The following TBC1D5 variants were observed in gnomAD, a reference collection of about 807,000 sequenced individuals.
TBC1D5 encodes the protein TBC1 domain family member 5, also known as TBC1 domain family, member 5.
Under a neutral mutation model 100.3 loss-of-function variants are expected in TBC1D5, and 75 were observed. The observed-to-expected ratio is 0.75, with a 90% CI of 0.62 to 0.91. The LOEUF (loss-of-function observed/expected upper bound fraction) is 0.91, where lower values mean the gene tolerates loss of function less well. Among genes scored for constraint, TBC1D5 ranks in the 40% least tolerant of loss-of-function variants. The probability of loss-of-function intolerance (pLI) is 0.00; values close to 1 mark genes in which losing one functional copy is unlikely to be tolerated. For missense variants in TBC1D5, 910 were observed against 942.4 expected (o/e 0.97, Z 0.45); for synonymous variants, 323 against 325.6 (o/e 0.99, Z 0.09).
intron 13 of TBC1D5, among the ~76,000 whole-genome samples, chr3:17,344,798 G>T (rs1033455582): frequency 6.6e-6 from 1 of 152,104 alleles, no homozygotes; most frequent in East Asian, 1.9e-4. Flanking sequence ...ACAAACCTGA[G>T]AAAAACAAGC....
At chr3:17,266,502 G>A (rs2078864913) in intron 15 of TBC1D5, among the ~76,000 whole-genome samples, 1 of 152,044 alleles carries the variant, frequency 6.6e-6, no homozygotes, top group African/African-American at 2.4e-5. Context: ...ATATTGAGCT[G>A]TACCTTCCTG....
At chr3:17,222,144 A>C (rs1460430814) in intron 17 of TBC1D5, among the ~76,000 whole-genome samples, 5 of 151,970 alleles carry the variant, frequency 3.3e-5, no homozygotes, top group Admixed American at 6.6e-5. Context: ...TCATACCTTT[A>C]CTTACTTTAG....
chr3:17,530,572 C>T lies in TBC1D5; in HGVS notation c.-35-21967G>A, dbSNP rs559006000. Among the ~76,000 whole-genome samples the T allele has an allele frequency of 8.5e-4, 129 of 152,284 alleles. 1 individual carries two copies. The highest frequency in any genetic ancestry group is 3.1e-3 in the African/African-American group (127 of 41,550). ...ATATTACTGAGTTAGACATAAAATG[C>T]CACACACTAGCCAAAGCTTTTACTT... On this transcript the variant is annotated intron_variant, in intron 2 of 21. Coordinates refer to ENST00000253692, the Ensembl canonical transcript of TBC1D5.
chr3:17,385,217 A>G (rs529935692), intron 8 of TBC1D5, among the ~76,000 whole-genome samples: 2 of 152,202 alleles, frequency 1.3e-5, no homozygotes, highest in East Asian at 3.9e-4. Context: ...ATATTCAGGA[A>G]TAAGACGCCA....
At chr3:17,364,855 G>C (rs1455618208) in intron 13 of TBC1D5, among the ~76,000 whole-genome samples, 1 of 152,102 alleles carries the variant, frequency 6.6e-6, no homozygotes, top group Non-Finnish European at 1.5e-5. Context: ...TAGTAACAAT[G>C]AACACTGATT....
chr3:17,407,175 CA>C (rs1357824484), intron 4 of TBC1D5, among the ~76,000 whole-genome samples: 2 of 152,102 alleles, frequency 1.3e-5, no homozygotes, highest in Non-Finnish European at 2.9e-5. Context: ...AGTAGATAAA[CA>C]ACTGAAATAT....
intron 13 of TBC1D5, among the ~76,000 whole-genome samples, chr3:17,325,916 C>A (rs996371030): frequency 6.6e-6 from 1 of 151,978 alleles, no homozygotes; most frequent in Admixed American, 6.6e-5. Context: ...AGTGACAAAA[C>A]CTTGAATGCT....
intron 2 of TBC1D5, among the ~76,000 whole-genome samples, chr3:17,607,614 A>G (rs2061411419): frequency 6.6e-6 from 1 of 151,936 alleles, no homozygotes; most frequent in African/African-American, 2.4e-5. Flanking sequence ...CCTATTCAGC[A>G]TAATTCCTGC....
At chr3:17,633,435 C>T (rs138607309) in intron 1 of TBC1D5, among the ~76,000 whole-genome samples, 1 of 151,834 alleles carries the variant, frequency 6.6e-6, no homozygotes, top group Non-Finnish European at 1.5e-5. Context: ...GAGACTCCAT[C>T]TCAAAAAAAG....
At chr3:17,639,496 T>C (rs191766215) in intron 1 of TBC1D5, among the ~76,000 whole-genome samples, 1 of 151,970 alleles carries the variant, frequency 6.6e-6, no homozygotes, top group Admixed American at 6.6e-5. Context: ...AATTGTACAC[T>C]TGAAAAGATG....
In TBC1D5 at chr3:17,240,087, A is replaced by G. The variant is rs143007446; in HGVS notation, c.1332-1668T>C. 1.2e-4 allele frequency among the ~76,000 whole-genome samples: 19 copies of G among 152,312 alleles called. No homozygotes were observed. In the South Asian group the frequency reaches 3.1e-3, roughly 25 times the overall value. ...TAATTCTACCTTTTATATGACAGCT[A>G]TATCCTTTCATTACTACATGTTGCT... On this transcript the variant is annotated intron_variant, in intron 16 of 21. Coordinates refer to ENST00000253692, the Ensembl canonical transcript of TBC1D5.
At chr3:17,186,656 G>A (rs1559372624) in intron 18 of TBC1D5, among the ~76,000 whole-genome samples, 1 of 120,686 alleles carries the variant, frequency 8.3e-6, no homozygotes, top group African/African-American at 3.1e-5. Context: ...GTTGAAGTGA[G>A]CCGAGATCAT....
At chr3:17,300,616 A>C (rs943058787) in intron 14 of TBC1D5, among the ~76,000 whole-genome samples, 23 of 152,182 alleles carry the variant, frequency 1.5e-4, no homozygotes, top group African/African-American at 5.3e-4. Context: ...CCTATCAAAA[A>C]CAGAGGAAAA....
intron 2 of TBC1D5, among the ~76,000 whole-genome samples, chr3:17,604,116 ATTTC>A (rs1380871573): frequency 6.6e-6 from 1 of 151,232 alleles, no homozygotes; most frequent in Non-Finnish European, 1.5e-5. Flanking sequence ...TACCTAGCTA[ATTTC>A]TTTGTTTTGT....
At chr3:17,741,004 CT>C (rs1166711010), upstream of TBC1D5, 2 of 152,236 alleles carry the variant, frequency 1.3e-5, no homozygotes, top group Non-Finnish European at 2.9e-5. Flanking sequence ...TCAGTTCATC[CT>C]GCCATTTGCC....
intron 3 of TBC1D5, among the ~76,000 whole-genome samples, chr3:17,441,748 A>G (rs1420859999): frequency 6.6e-6 from 1 of 152,258 alleles, no homozygotes; most frequent in African/African-American, 2.4e-5. Flanking sequence ...AATGGTGGTA[A>G]AAGTATTTTA....
intron 2 of TBC1D5, among the ~76,000 whole-genome samples, chr3:17,600,698 CTTTAAG>C (rs1210714956): frequency 2.0e-5 from 3 of 151,854 alleles, no homozygotes; most frequent in African/African-American, 4.8e-5. Flanking sequence ...AACTTTTTTT[CTTTAAG>C]TTTAATATTT....
intron 14 of TBC1D5, among the ~76,000 whole-genome samples, chr3:17,294,298 C>T (rs1371266703): frequency 6.6e-6 from 1 of 152,126 alleles, no homozygotes; most frequent in Non-Finnish European, 1.5e-5. Flanking sequence ...CAGCTCACTG[C>T]AGTCTGAAAC....
In TBC1D5 at chr3:17,238,916, T is replaced by C. The variant is rs151007608; in HGVS notation, c.1332-497A>G. ...CATGGGTACTAGGTCAAATTTAATA[T>C]GATTTTGAAAATATATATGTCTGAC... On this transcript the variant is annotated intron_variant, in intron 16 of 21. Coordinates refer to ENST00000253692, the Ensembl canonical transcript of TBC1D5. Among the ~76,000 whole-genome samples the C allele has an allele frequency of 3.5e-4, 53 of 152,272 alleles. No individual in the cohort carries two copies. The East Asian group carries it at 8.5e-3, about 24-fold the overall frequency.
Sources: gnomAD v4.1 joint callset for allele counts (sites outside exome capture counted in the v4.1 genomes callset) on GRCh38, gnomAD v4.1.1 for gene constraint, MANE v1.5 for transcripts, NCBI Gene and HGNC (gene_info 2026-07-23, HGNC 2026-07-21) for gene names.